Variants in ASH1L observed in about 807,000 individuals in gnomAD.
ASH1L encodes the protein ASH1 like histone lysine methyltransferase.
In ASH1L, 23 loss-of-function variants were observed where a neutral mutation model predicts 269.0. The ratio of observed to expected loss-of-function variants is 0.09; its 90% confidence interval spans 0.06 to 0.12. The LOEUF (loss-of-function observed/expected upper bound fraction) is 0.12, where lower values mean the gene tolerates loss of function less well. Among genes scored for constraint, ASH1L ranks in the 10% least tolerant of loss-of-function variants. ASH1L has a pLI of 1.00. For synonymous variants in ASH1L, 1,187 were observed against 1,253.5 expected (o/e 0.95, Z 1.12); for missense variants, 2,912 against 3,567.8 (o/e 0.82, Z 4.68).
At chr1:155,396,228 CAA>C (rs894337576) in intron 6 of ASH1L, 9 of 151,446 alleles carry the variant, frequency 5.9e-5, no homozygotes, top group African/African-American at 2.2e-4. Context: ...AGAAGGAAAA[CAA>C]AAAAGGAAAA....
chr1:155,417,954 G>A lies in ASH1L; in HGVS notation c.5829-2031C>T, dbSNP rs1240501036. ...GCCTGGGTGACAAGAGCAAAACTCC[G>A]TCTCAAAAAAAAAAAAAAGACTAGC... On this transcript the variant is annotated intron_variant, in intron 5 of 27. Transcript: ENST00000392403. 1.4e-3 allele frequency among the ~76,000 whole-genome samples: 208 copies of A among 145,626 alleles called. 1 individual carries two copies. Among genetic ancestry groups the A allele is most frequent in the African/African-American group, 5.0e-3 (198 of 39,304 alleles).
chr1:155,395,688 C>T, intron 6 of ASH1L, 135 bp from the exon 7 acceptor site: 1 of 547,832 alleles, frequency 1.8e-6, no homozygotes. Context: ...ATCTTTACTT[C>T]TGAAACTGTC....
intron 4 of ASH1L, among the ~76,000 whole-genome samples, chr1:155,457,768 T>C (rs950840535): frequency 1.2e-4 from 18 of 152,220 alleles, no homozygotes; most frequent in African/African-American, 4.3e-4. Context: ...ATGAACAGAA[T>C]AGTCTCATTG....
At chr1:155,466,515 T>A (rs1393325804) in intron 3 of ASH1L, among the ~76,000 whole-genome samples, 2 of 152,222 alleles carry the variant, frequency 1.3e-5, no homozygotes, top group East Asian at 3.8e-4. Flanking sequence ...TTCATCTCTG[T>A]AGGTTCACAC....
rs183681124 is a variant in ASH1L at position 155,405,865 on chromosome 1, G to A, written c.6008+9879C>T. On this transcript the variant is annotated intron_variant, in intron 6 of 27. Coordinates refer to ENST00000392403, the MANE Select transcript of ASH1L (RefSeq NM_018489.3). Reference sequence around the variant, plus strand: ...AAAAAAAAGTCAAAATAAATGGAAAGACATCCCATATTCACAGATATGGTG... The same window carrying A: ...AAAAAAAAGTCAAAATAAATGGAAAAACATCCCATATTCACAGATATGGTG... 4.5e-4 allele frequency among the ~76,000 whole-genome samples: 67 copies of A among 148,356 alleles called. 1 individual carries two copies. In the East Asian group the frequency reaches 0.011, roughly 25 times the overall value.
chr1:155,555,940 TAAGC>T (rs1430923154), intron 1 of ASH1L, among the ~76,000 whole-genome samples: 2 of 152,146 alleles, frequency 1.3e-5, no homozygotes, highest in African/African-American at 4.8e-5. Flanking sequence ...TGCTTTAAAA[TAAGC>T]AAGAGGGGAA....
chr1:155,553,386 A>G (rs976814541), intron 1 of ASH1L, among the ~76,000 whole-genome samples: 1 of 152,216 alleles, frequency 6.6e-6, no homozygotes, highest in Non-Finnish European at 1.5e-5. Flanking sequence ...TGTCTAAGAA[A>G]AGTATTTTGA....
chr1:155,548,605 T>A (rs1017825017), intron 1 of ASH1L, among the ~76,000 whole-genome samples: 5 of 152,234 alleles, frequency 3.3e-5, no homozygotes, highest in African/African-American at 4.8e-5. Flanking sequence ...TAGTACTTGT[T>A]AGAGTTTCTT....
At chr1:155,388,946 C>T (rs932757778) in intron 7 of ASH1L, among the ~76,000 whole-genome samples, 82 of 150,740 alleles carry the variant, frequency 5.4e-4, no homozygotes, top group African/African-American at 1.8e-3. Flanking sequence ...TGGCCTCAAG[C>T]GATCTTCTCT....
chr1:155,442,385 C>A (rs916726067), intron 4 of ASH1L, among the ~76,000 whole-genome samples: 2 of 151,682 alleles, frequency 1.3e-5, no homozygotes, highest in Non-Finnish European at 2.9e-5. Context: ...GAGTTTGAAA[C>A]CAGCCTGGCC....
chr1:155,524,254 G>T (rs1482651177), intron 1 of ASH1L, among the ~76,000 whole-genome samples: 1 of 152,110 alleles, frequency 6.6e-6, no homozygotes, highest in Non-Finnish European at 1.5e-5. Flanking sequence ...TGAGCATGGT[G>T]GCTCATGCCT....
intron 21 of ASH1L, among the ~76,000 whole-genome samples, chr1:155,345,308 G>A (rs1247237836): frequency 1.3e-5 from 2 of 148,672 alleles, no homozygotes; most frequent in Middle Eastern, 3.6e-3. Flanking sequence ...AGACTCCCAA[G>A]TAGATGGGAT....
At chr1:155,552,274 T>G (rs1671269028) in intron 1 of ASH1L, among the ~76,000 whole-genome samples, 1 of 152,030 alleles carries the variant, frequency 6.6e-6, no homozygotes, top group Non-Finnish European at 1.5e-5. Context: ...AAGACCAGCC[T>G]GGCCAACATG....
chr1:155,513,002 A>C lies in ASH1L; in HGVS notation c.420+8098T>G, dbSNP rs1034162223. ...AGCCCAGGAGGTCAAGGTCAAGGCT[A>C]CAGTGAGCCTAATCACATCACTGCA... On this transcript the variant is annotated intron_variant, in intron 2 of 27. Coordinates refer to ENST00000392403, the MANE Select transcript of ASH1L (RefSeq NM_018489.3). Among the ~76,000 whole-genome samples the C allele has an allele frequency of 3.9e-5, 6 of 152,116 alleles. No individual in the cohort carries two copies. The South Asian group carries it at 1.2e-3, about 32-fold the overall frequency.
At chr1:155,460,911 T>C (rs913249542) in intron 3 of ASH1L, among the ~76,000 whole-genome samples, 2 of 152,234 alleles carry the variant, frequency 1.3e-5, no homozygotes, top group Middle Eastern at 3.2e-3. Context: ...ATGTTGTTGA[T>C]GTAAGATTAT....
chr1:155,443,281 T>C (rs1160991401), intron 4 of ASH1L, among the ~76,000 whole-genome samples: 1 of 152,184 alleles, frequency 6.6e-6, no homozygotes, highest in African/African-American at 2.4e-5. Flanking sequence ...GAAGCCTCCT[T>C]CCTGGGCCAT....
At chr1:155,400,963 C>G (rs1658786904) in intron 6 of ASH1L, among the ~76,000 whole-genome samples, 1 of 151,590 alleles carries the variant, frequency 6.6e-6, no homozygotes, top group Admixed American at 6.6e-5. Context: ...AGTTTGAGAC[C>G]AGCCTTGGCC....
intron 7 of ASH1L, among the ~76,000 whole-genome samples, chr1:155,386,089 T>TG (rs1395179098): frequency 6.6e-6 from 1 of 151,074 alleles, no homozygotes; most frequent in Non-Finnish European, 1.5e-5. Context: ...TTTTTGGAGA[T>TG]GGAGTCTCAC....
At chr1:155,529,838 C>T (rs1208762744) in intron 1 of ASH1L, among the ~76,000 whole-genome samples, 2 of 152,046 alleles carry the variant, frequency 1.3e-5, no homozygotes, top group African/African-American at 2.4e-5. Context: ...TCTCTTCCAT[C>T]GCCTACCAGT....
Sources: gnomAD v4.1 joint callset for allele counts (sites outside exome capture counted in the v4.1 genomes callset) on GRCh38, gnomAD v4.1.1 for gene constraint, MANE v1.5 for transcripts, NCBI Gene and HGNC (gene_info 2026-07-23, HGNC 2026-07-21) for gene names.